Variants in NELL2 observed in about 807,000 individuals in gnomAD.
The protein encoded by NELL2 is protein kinase C-binding protein NELL2.
NELL2 carries 41 observed loss-of-function variants against 109.6 expected under a neutral mutation model. The observed-to-expected ratio is 0.37, with a 90% CI of 0.29 to 0.49. The LOEUF (loss-of-function observed/expected upper bound fraction) is 0.49, where lower values mean the gene tolerates loss of function less well. NELL2 is among the 20% of genes least tolerant of loss of function. NELL2 has a pLI of 0.98. For synonymous variants in NELL2, 355 were observed against 344.7 expected (o/e 1.03, Z -0.33); for missense variants, 900 against 1,008.3 (o/e 0.89, Z 1.45).
intron 19 of NELL2, among the ~76,000 whole-genome samples, chr12:44,517,087 GATATGTA>G (rs1941303069): frequency 6.6e-6 from 1 of 150,626 alleles, no homozygotes; most frequent in Admixed American, 6.6e-5. Context: ...AATTTGTTTT[GATATGTA>G]ACATAATTTT....
chr12:44,642,361 T>A (rs1026154791), intron 13 of NELL2, among the ~76,000 whole-genome samples: 1 of 152,036 alleles, frequency 6.6e-6, no homozygotes, highest in Non-Finnish European at 1.5e-5. Context: ...AAAAAGTCAA[T>A]ACACACATAA....
chr12:44,917,631 G>A (rs573107058), upstream of NELL2, among the ~76,000 whole-genome samples: 2 of 152,292 alleles, frequency 1.3e-5, no homozygotes, highest in East Asian at 3.9e-4. Flanking sequence ...ATATGGCAAA[G>A]ATTAAAGGAT....
At chr12:44,858,401 G>T (rs1944742950) in intron 2 of NELL2, among the ~76,000 whole-genome samples, 1 of 152,144 alleles carries the variant, frequency 6.6e-6, no homozygotes, top group African/African-American at 2.4e-5. Context: ...GAGACACATG[G>T]TTGCCCTGGG....
chr12:44,514,961 C>A (rs556602921), intron 19 of NELL2, among the ~76,000 whole-genome samples: 1 of 150,220 alleles, frequency 6.7e-6, no homozygotes. Context: ...TATTATAATC[C>A]GTAGGACAAC....
At chr12:44,798,109 A>G (rs1263625857) in intron 3 of NELL2, among the ~76,000 whole-genome samples, 1 of 138,132 alleles carries the variant, frequency 7.2e-6, no homozygotes, top group African/African-American at 2.5e-5. Context: ...GGAATGATGG[A>G]ATAAAATCAT....
At chr12:44,754,536 A>T (rs539203931) in intron 9 of NELL2, among the ~76,000 whole-genome samples, 2 of 152,310 alleles carry the variant, frequency 1.3e-5, no homozygotes, top group South Asian at 4.1e-4. Flanking sequence ...TTTAAGTTTC[A>T]TTAGTTTTAA....
At chr12:44,680,009 C>T (rs183479059) in intron 12 of NELL2, among the ~76,000 whole-genome samples, 4 of 152,204 alleles carry the variant, frequency 2.6e-5, no homozygotes, top group Admixed American at 6.5e-5. Context: ...TCTTGTCATG[C>T]TGGATTTGAA....
intron 9 of NELL2, among the ~76,000 whole-genome samples, chr12:44,753,560 G>T (rs1479227341): frequency 6.6e-6 from 1 of 152,144 alleles, no homozygotes; most frequent in Non-Finnish European, 1.5e-5. Flanking sequence ...TCAGTGAAAT[G>T]CCATATAAAT....
In NELL2 at chr12:44,806,577, A is replaced by T. The variant is rs376313926; in HGVS notation, c.335+9409T>A. Among the ~76,000 whole-genome samples the T allele has an allele frequency of 6.6e-5, 10 of 151,986 alleles. No homozygotes were observed. The South Asian group carries it at 2.1e-3, about 32-fold the overall frequency. ...ATAAAATTTAGAAGTACATACACAC[A>T]GTGCATATAGAAAATAGCCATACTG... is the stretch of plus-strand genomic sequence containing the variant. On this transcript the variant is annotated intron_variant, in intron 3 of 19. Transcript: ENST00000429094.
chr12:44,697,221 A>G (rs1168723058), intron 12 of NELL2, among the ~76,000 whole-genome samples: 1 of 152,232 alleles, frequency 6.6e-6, no homozygotes, highest in Non-Finnish European at 1.5e-5. Context: ...TAAAAAAACA[A>G]GTAAGATAAT....
chr12:44,721,386 A>G (rs953601050), intron 9 of NELL2, among the ~76,000 whole-genome samples: 3 of 152,232 alleles, frequency 2.0e-5, no homozygotes, highest in African/African-American at 7.2e-5. Context: ...TATTTGTGTC[A>G]ATACTTAAAT....
intron 9 of NELL2, among the ~76,000 whole-genome samples, chr12:44,718,439 C>CT (rs1411825485): frequency 4.6e-5 from 7 of 152,146 alleles, no homozygotes; most frequent in African/African-American, 1.7e-4. Flanking sequence ...TTTGTTGCTC[C>CT]TTTTAACCAT....
At chr12:44,706,295 C>G (rs17652890) in intron 11 of NELL2, among the ~76,000 whole-genome samples, 19,411 of 152,044 alleles carry the variant, frequency 0.13, 1,468 homozygotes, top group East Asian at 0.21. Context: ...TTGATTGAAC[C>G]TACTGGTTAT....
chr12:44,590,897 CA>C lies in NELL2; in HGVS notation c.1663+16271del, dbSNP rs59621412. On this transcript the variant is annotated intron_variant, in intron 15 of 19. Transcript: ENST00000429094. ...CCAAGGAATTAATATGCAGAATATA[CA>C]AAAAAAAAAACCAACCTTGACTCAA... is the stretch of plus-strand genomic sequence containing the variant. Among the ~76,000 whole-genome samples the C allele has an allele frequency of 5.8e-3, 787 of 135,108 alleles. 8 individuals carry two copies. Among genetic ancestry groups the C allele is most frequent in the African/African-American group, 0.018 (654 of 37,084 alleles). The allele number at this position is 135,108 out of a possible 152,430, so 88.6% of individuals were successfully genotyped here.
intron 1 of NELL2, among the ~76,000 whole-genome samples, chr12:44,910,612 T>C (rs1239846895): frequency 6.6e-6 from 1 of 151,942 alleles, no homozygotes; most frequent in Non-Finnish European, 1.5e-5. Context: ...ACCAGATATA[T>C]ACTCAAAGGA....
upstream of NELL2, among the ~76,000 whole-genome samples, chr12:44,918,928 T>A (rs1945849312): frequency 6.6e-6 from 1 of 152,116 alleles, no homozygotes; most frequent in Non-Finnish European, 1.5e-5. Flanking sequence ...CCCCTCTTAT[T>A]GAGGATATGA....
intron 13 of NELL2, among the ~76,000 whole-genome samples, chr12:44,636,812 AG>A (rs1946652266): frequency 6.6e-6 from 1 of 152,084 alleles, no homozygotes; most frequent in African/African-American, 2.4e-5. Flanking sequence ...TGAGTTAGGG[AG>A]GAGTCCCTCT....
At chr12:44,611,059 T>C in intron 13 of NELL2, 89 bp from the exon 14 acceptor site, 1 of 1,339,786 alleles carries the variant, frequency 7.5e-7, no homozygotes, top group Non-Finnish European at 1.0e-6. Flanking sequence ...TATTGCATGG[T>C]AAATTCTTTC....
At chr12:44,689,719 T>A (rs1464729590) in intron 12 of NELL2, among the ~76,000 whole-genome samples, 2 of 152,236 alleles carry the variant, frequency 1.3e-5, no homozygotes, top group African/African-American at 4.8e-5. Context: ...AATTTGGCAA[T>A]GTCTACAAAC....
Sources: allele counts gnomAD v4.1 joint callset (sites outside exome capture counted in the v4.1 genomes callset), GRCh38; gene constraint gnomAD v4.1.1; transcripts MANE v1.5; gene names NCBI Gene and HGNC (gene_info 2026-07-23, HGNC 2026-07-21).